Variants in CNTN5 observed in about 807,000 individuals in gnomAD.
CNTN5 encodes contactin-5.
CNTN5 carries 77 observed loss-of-function variants against 129.1 expected under a neutral mutation model. The ratio of observed to expected loss-of-function variants is 0.60; its 90% CI spans 0.50 to 0.72. The LOEUF (loss-of-function observed/expected upper bound fraction) is 0.72, where lower values mean the gene tolerates loss of function less well. Among genes scored for constraint, CNTN5 ranks in the 30% least tolerant of loss-of-function variants. The probability of loss-of-function intolerance (pLI) is 0.00; values close to 1 mark genes in which losing one functional copy is unlikely to be tolerated. For synonymous variants in CNTN5, 509 were observed against 465.6 expected, an observed-to-expected ratio of 1.09 and a Z score of -1.20; for missense variants, 1,478 against 1,328.8, an observed-to-expected ratio of 1.11 and a Z score of -1.75.
chr11:99,233,969 T>TAAAC (rs943251714), intron 1 of CNTN5, among the ~76,000 whole-genome samples: 1 of 151,244 alleles, frequency 6.6e-6, no homozygotes. Flanking sequence ...AATAAATAAA[T>TAAAC]AATAATTTGT....
chr11:99,561,992 G>A (rs547088309), intron 3 of CNTN5, among the ~76,000 whole-genome samples: 1 of 152,216 alleles, frequency 6.6e-6, no homozygotes, highest in South Asian at 2.1e-4. Context: ...TAGTTATTTT[G>A]AGTTGGTTAT....
intron 13 of CNTN5, among the ~76,000 whole-genome samples, chr11:100,103,878 C>A (rs1009313217): frequency 1.3e-5 from 2 of 152,080 alleles, no homozygotes; most frequent in African/African-American, 4.8e-5. Flanking sequence ...TGCCAACATA[C>A]CCACAACAGT....
chr11:100,287,131 T>C (rs887466608), intron 18 of CNTN5, among the ~76,000 whole-genome samples: 12 of 152,256 alleles, frequency 7.9e-5, no homozygotes, highest in African/African-American at 1.4e-4. Flanking sequence ...CTACGTCTGA[T>C]TGGTGTACCT....
chr11:99,307,200 C>G (rs1192142902), intron 1 of CNTN5, among the ~76,000 whole-genome samples: 2 of 152,190 alleles, frequency 1.3e-5, no homozygotes, highest in Middle Eastern at 3.2e-3. Flanking sequence ...TCAGTGATCA[C>G]TGTAACAAAT....
At chr11:99,115,295 A>C (rs1202473664) in intron 1 of CNTN5, among the ~76,000 whole-genome samples, 2 of 152,188 alleles carry the variant, frequency 1.3e-5, no homozygotes, top group African/African-American at 2.4e-5. Flanking sequence ...TTCATTTGTG[A>C]ATGGGCACAA....
chr11:100,268,854 T>C (rs1277793773), intron 17 of CNTN5, among the ~76,000 whole-genome samples: 1 of 152,134 alleles, frequency 6.6e-6, no homozygotes, highest in Non-Finnish European at 1.5e-5. Context: ...GGATACAACA[T>C]CTGTAAGAAA....
chr11:99,898,068 T>A (rs1949255590), intron 6 of CNTN5, among the ~76,000 whole-genome samples: 1 of 152,044 alleles, frequency 6.6e-6, no homozygotes, highest in African/African-American at 2.4e-5. Context: ...CTGAATACAG[T>A]GAAGGCATTG....
intron 2 of CNTN5, among the ~76,000 whole-genome samples, chr11:99,402,523 A>G (rs1941865761): frequency 6.6e-6 from 1 of 152,120 alleles, no homozygotes; most frequent in Non-Finnish European, 1.5e-5. Flanking sequence ...ATATTGACCT[A>G]TAGTTTTGTT....
chr11:100,105,023 A>G (rs1231202664), intron 13 of CNTN5, among the ~76,000 whole-genome samples: 3 of 152,224 alleles, frequency 2.0e-5, no homozygotes, highest in East Asian at 3.9e-4. Flanking sequence ...TGATAAAGGC[A>G]GGACGGTATA....
intron 1 of CNTN5, among the ~76,000 whole-genome samples, chr11:99,076,212 G>A (rs1424106265): frequency 6.6e-6 from 1 of 152,094 alleles, no homozygotes; most frequent in East Asian, 1.9e-4. Flanking sequence ...GTGTATGCCT[G>A]TAACCTCAGC....
At chr11:99,752,974 T>C (rs926777289) in intron 3 of CNTN5, among the ~76,000 whole-genome samples, 5 of 152,106 alleles carry the variant, frequency 3.3e-5, no homozygotes, top group Non-Finnish European at 5.9e-5. Flanking sequence ...TTTACATTCA[T>C]TTGCTTTTTG....
chr11:99,316,053 G>A (rs1404307263), intron 1 of CNTN5, among the ~76,000 whole-genome samples: 1 of 151,790 alleles, frequency 6.6e-6, no homozygotes, highest in African/African-American at 2.4e-5. Context: ...GGATGATAAA[G>A]GTGGCATACT....
rs538723757 is a variant in CNTN5 at position 99,510,320 on chromosome 11, T to A, written c.-70-45825T>A. Among the ~76,000 whole-genome samples the A allele has an allele frequency of 1.4e-4, 22 of 152,206 alleles. No individual in the cohort carries two copies. In the South Asian group the frequency reaches 3.9e-3, roughly 27 times the overall value. On this transcript the variant is annotated intron_variant, in intron 2 of 24. Transcript: ENST00000524871. Reference sequence around the variant, plus strand: ...TTATAGGTGTGGGAAAAAAAGAGACTCTCAAACACTGTTGGTGAGAGTATA... The same window carrying A: ...TTATAGGTGTGGGAAAAAAAGAGACACTCAAACACTGTTGGTGAGAGTATA...
chr11:99,792,465 A>G (rs1218499619), intron 3 of CNTN5, among the ~76,000 whole-genome samples: 2 of 151,488 alleles, frequency 1.3e-5, no homozygotes, highest in Admixed American at 1.3e-4. Flanking sequence ...GCTGCTGGAT[A>G]TGGATATGGT....
At chr11:99,468,732 CTTT>C (rs113029746) in intron 2 of CNTN5, among the ~76,000 whole-genome samples, 3 of 131,500 alleles carry the variant, frequency 2.3e-5, no homozygotes, top group Admixed American at 7.7e-5. Context: ...TTGTTAGAAA[CTTT>C]TTTTTTTTTT....
At chr11:99,504,729 A>T (rs977368026) in intron 2 of CNTN5, among the ~76,000 whole-genome samples, 2 of 152,176 alleles carry the variant, frequency 1.3e-5, no homozygotes, top group South Asian at 4.1e-4. Context: ...TCAAGCTCCA[A>T]ATGAAAGATT....
In CNTN5 at chr11:99,934,671, G is replaced by A. The variant is rs987359070; in HGVS notation, c.673+18522G>A. The stretch of plus-strand genomic sequence containing the variant: ...AGGCCATGGTGGGTGGATCCCCTGA[G>A]GTCAGGAGTTCAAGGCCAGCCTGGC... On this transcript the variant is annotated intron_variant, in intron 7 of 24. Transcript: ENST00000524871. Among the ~76,000 whole-genome samples, 5 of 151,998 alleles carry A rather than the reference G, an allele frequency of 3.3e-5. No homozygotes were observed. The East Asian group carries it at 5.8e-4, about 18-fold the overall frequency.
intron 3 of CNTN5, among the ~76,000 whole-genome samples, chr11:99,750,639 C>T (rs1402229890): frequency 6.6e-6 from 1 of 151,770 alleles, no homozygotes; most frequent in Non-Finnish European, 1.5e-5. Context: ...TAAATGTTGC[C>T]AGAATCTAAC....
intron 9 of CNTN5, among the ~76,000 whole-genome samples, chr11:100,032,277 A>G (rs1941753287): frequency 6.6e-6 from 1 of 152,090 alleles, no homozygotes; most frequent in Non-Finnish European, 1.5e-5. Flanking sequence ...TTGCTGTAGT[A>G]TTTAGTTATA....
Sources: gnomAD v4.1 joint callset for allele counts (sites outside exome capture counted in the v4.1 genomes callset) on GRCh38, gnomAD v4.1.1 for gene constraint, MANE v1.5 for transcripts, NCBI Gene and HGNC (gene_info 2026-07-23, HGNC 2026-07-21) for gene names.